The following AMZ1 variants were observed in gnomAD, a reference collection of about 807,000 sequenced individuals.
AMZ1 encodes archaelysin family metallopeptidase 1, also known as archaemetzincin-1.
In AMZ1, 39 loss-of-function variants were observed where a neutral mutation model predicts 29.9. The ratio of observed to expected loss-of-function variants is 1.30; its 90% confidence interval spans 1.01 to 1.70. The LOEUF is 1.70. Among genes scored for constraint, AMZ1 ranks in the 40% most tolerant of loss-of-function variants. The pLI, the probability that AMZ1 is intolerant of heterozygous loss-of-function variation, is 0.00. For missense variants in AMZ1, 1,041 were observed against 680.6 expected (o/e 1.53, Z -5.89); for synonymous variants, 458 against 304.0 (o/e 1.51, Z -5.27).
chr7:2,711,856 T>A (rs1015479388), intron 6 of AMZ1, among the ~76,000 whole-genome samples: 1 of 152,132 alleles, frequency 6.6e-6, no homozygotes, highest in Non-Finnish European at 1.5e-5. Flanking sequence ...CCAGCCTGGC[T>A]AACATGGTGA....
chr7:2,714,088 T>C lies in AMZ1; in HGVS notation c.*1210T>C, dbSNP rs1788977125. ...CTTCCTGAGGAATTGACCCTTTTAT[T>C]GTCACACGTACCCCCTCAGCCTGTG... On this transcript the variant is annotated 3_prime_UTR_variant, in exon 7 of 7. Transcript: ENST00000683327. 1 of 152,200 alleles carries C rather than the reference T, an allele frequency of 6.6e-6. No homozygotes were observed. The highest frequency in any genetic ancestry group is 2.1e-4 in the South Asian group (1 of 4,824). The allele number at this position is 152,200 out of a possible 1,614,324, so 9.4% of individuals were successfully genotyped here.
chr7:2,700,057 C>T (rs996927888), intron 1 of AMZ1, among the ~76,000 whole-genome samples, 177 bp from the exon 2 acceptor site: 4 of 151,408 alleles, frequency 2.6e-5, no homozygotes, highest in Non-Finnish European at 4.4e-5. Flanking sequence ...TTGAATGTGT[C>T]CTTCCAACCT....
chr7:2,725,350 C>T (rs556692948), intron 4 of AMZ1, among the ~76,000 whole-genome samples: 1 of 152,284 alleles, frequency 6.6e-6, no homozygotes, highest in Admixed American at 6.5e-5. Context: ...CACAGCTGCG[C>T]GAGGGGAAGG....
At position 2,700,507 on chromosome 7, in the gene AMZ1, A is replaced by T. The variant is rs1787985937; in HGVS notation, c.56A>T (p.Asp19Val). ...AGCTTCGGGCCCCGGGCCTTGAAGG[A>T]CGCTCTGGTCTCCACTGACGCAGCC... ...EFSFGPRALK[D>V]ALVSTDAALQ... Residue 19 changes from aspartate (D) to valine (V), a missense_variant, in exon 2 of 7, where the codon GAC becomes GTC. By Grantham distance (152) the Asp-to-Val change is radical (BLOSUM62 -3). Coordinates refer to ENST00000683327, the MANE Select transcript of AMZ1 (RefSeq NM_001384743.1). 1 of 1,606,176 alleles carries T rather than the reference A, an allele frequency of 6.2e-7. No homozygotes were observed. The highest frequency in any genetic ancestry group is 8.5e-7 in the Non-Finnish European group (1 of 1,179,906).
chr7:2,694,236 G>A (rs962186842), intron 1 of AMZ1, among the ~76,000 whole-genome samples: 9 of 152,200 alleles, frequency 5.9e-5, no homozygotes, highest in African/African-American at 1.7e-4. Context: ...GGCAGAGGGA[G>A]GAGGAGTTCA....
chr7:2,699,710 G>A (rs887359811), intron 1 of AMZ1, among the ~76,000 whole-genome samples: 15 of 152,290 alleles, frequency 9.8e-5, no homozygotes, highest in Admixed American at 3.3e-4. Flanking sequence ...AACCCCAGGC[G>A]ATGGGGGGAC....
At chr7:2,695,839 C>T (rs551017471) in intron 1 of AMZ1, among the ~76,000 whole-genome samples, 8 of 152,086 alleles carry the variant, frequency 5.3e-5, no homozygotes, top group South Asian at 2.1e-4. Flanking sequence ...GGTGAAACCC[C>T]GTCTCTACTA....
In AMZ1 at chr7:2,696,475, T is replaced by A. The variant is rs567302979; in HGVS notation, c.-218-3759T>A. On this transcript the variant is annotated intron_variant, in intron 1 of 6. Coordinates refer to ENST00000683327, the MANE Select transcript of AMZ1 (RefSeq NM_001384743.1). ...GGTTTCACCATGTTAGCCAGGATGG[T>A]CTCGATCTCCTGACCTCGTGATCTG... Among the ~76,000 whole-genome samples, 4 of 149,608 alleles carry A rather than the reference T, an allele frequency of 2.7e-5. No individual in the cohort carries two copies. The Admixed American group carries it at 2.7e-4, about 10-fold the overall frequency.
chr7:2,683,947 G>A (rs1786978800), upstream of AMZ1, among the ~76,000 whole-genome samples: 1 of 151,980 alleles, frequency 6.6e-6, no homozygotes, highest in African/African-American at 2.4e-5. Flanking sequence ...GGAGGCCGAG[G>A]CGGGTGGATC....
rs1562411324 is a variant in AMZ1 at position 2,759,185 on chromosome 7, A to AAATG, written n.551-5524_551-5523insGAAT. Among the ~76,000 whole-genome samples the AAATG allele has an allele frequency of 2.7e-5, 4 of 146,104 alleles. No individual in the cohort carries two copies. In the South Asian group the frequency reaches 8.7e-4, roughly 32 times the overall value. On this transcript the variant is annotated intron_variant and non_coding_transcript_variant, in intron 4 of 4. Transcript: ENST00000489665. Reference sequence around the variant, plus strand: ...TAAATAAATAAATAAATAAATAAATAAATAAAATAAAAATAAAAACCCCAT... The same window carrying AAATG: ...TAAATAAATAAATAAATAAATAAATAAATGAATAAAATAAAAATAAAAACCCCAT...
Position 2,717,904 on chromosome 7 carries a change from A to G in AMZ1, c.*5026A>G, listed in dbSNP as rs118184905. ...AGCGTCCTGGGGTCACCACGCGTTCAGTCCAACTCTTCCCCGCTGCAGTGT... is the reference window on the plus strand; with the variant it reads ...AGCGTCCTGGGGTCACCACGCGTTCGGTCCAACTCTTCCCCGCTGCAGTGT... On this transcript the variant is annotated 3_prime_UTR_variant, in exon 7 of 7. Transcript: ENST00000683327. 8.0e-3 allele frequency among the ~76,000 whole-genome samples: 1,218 copies of G among 152,316 alleles called. 6 individuals carry two copies. Among genetic ancestry groups the G allele is most frequent in the Non-Finnish European group, 0.013 (899 of 68,030 alleles).
chr7:2,733,491 A>G, intron 4 of AMZ1: 1 of 1,613,554 alleles, frequency 6.2e-7, no homozygotes, highest in Non-Finnish European at 8.5e-7. Flanking sequence ...GAAGTACTTC[A>G]CCGACTCCCC....
intron 6 of AMZ1, among the ~76,000 whole-genome samples, chr7:2,710,591 G>A (rs538180753): frequency 1.3e-5 from 2 of 152,300 alleles, no homozygotes; most frequent in South Asian, 4.1e-4. Context: ...GGGGTAGAGT[G>A]AGGAGCTGTA....
At chr7:2,697,306 A>C (rs558686947) in intron 1 of AMZ1, among the ~76,000 whole-genome samples, 4 of 151,736 alleles carry the variant, frequency 2.6e-5, no homozygotes, top group Admixed American at 6.6e-5. Context: ...TGGGTTAGCC[A>C]GGATGGTCTC....
chr7:2,758,456 G>A (rs1482417306), intron 4 of AMZ1, among the ~76,000 whole-genome samples: 2 of 152,170 alleles, frequency 1.3e-5, no homozygotes, highest in East Asian at 3.8e-4. Context: ...GTTCTAAGAC[G>A]AGCCTCAATG....
Position 2,714,820 on chromosome 7 carries a change from C to T in AMZ1, c.*1942C>T, listed in dbSNP as rs1328093274. ...GAGGAGGGGCATCTTCTTAGGAAGG[C>T]AGCTGCCATACCGTGAGGAAACCCG... is the stretch of plus-strand genomic sequence containing the variant. On this transcript the variant is annotated 3_prime_UTR_variant, in exon 7 of 7. Coordinates refer to ENST00000683327, the MANE Select transcript of AMZ1 (RefSeq NM_001384743.1). 2.6e-5 allele frequency: 4 copies of T among 152,268 alleles called. No individual in the cohort carries two copies. The highest frequency in any genetic ancestry group is 2.1e-4 in the South Asian group (1 of 4,824). The allele number at this position is 152,268 out of a possible 1,614,324, so 9.4% of individuals were successfully genotyped here.
chr7:2,721,899 A>G (rs1454855127), downstream of AMZ1, among the ~76,000 whole-genome samples: 1 of 152,208 alleles, frequency 6.6e-6, no homozygotes, highest in Non-Finnish European at 1.5e-5. Context: ...TGGCTATAAC[A>G]TATATTTTTA....
chr7:2,710,736 C>A (rs1788720376), intron 6 of AMZ1, among the ~76,000 whole-genome samples: 1 of 152,214 alleles, frequency 6.6e-6, no homozygotes, highest in African/African-American at 2.4e-5. Context: ...GAGGAAACAG[C>A]TTTTCCAAGT....
chr7:2,695,291 G>C (rs1787644421), intron 1 of AMZ1, among the ~76,000 whole-genome samples: 1 of 152,176 alleles, frequency 6.6e-6, no homozygotes, highest in Non-Finnish European at 1.5e-5. Context: ...AGGAGTCCAG[G>C]AGTGAGACCC....
Sources: allele counts gnomAD v4.1 joint callset (sites outside exome capture counted in the v4.1 genomes callset), GRCh38; gene constraint gnomAD v4.1.1; transcripts MANE v1.5; gene names NCBI Gene and HGNC (gene_info 2026-07-23, HGNC 2026-07-21).